The following VRK1 variants were observed in gnomAD, a reference collection of about 807,000 sequenced individuals.
VRK1 encodes serine/threonine-protein kinase VRK1.
VRK1 carries 33 observed loss-of-function variants against 57.1 expected under a neutral mutation model. The observed-to-expected ratio is 0.58, with a 90% CI of 0.44 to 0.77. VRK1 has a LOEUF of 0.77. VRK1 is among the 30% of genes least tolerant of loss of function. The pLI, the probability that VRK1 is intolerant of heterozygous loss-of-function variation, is 0.00. For synonymous variants in VRK1, 137 were observed against 147.8 expected, an observed-to-expected ratio of 0.93 and a Z score of 0.53; for missense variants, 413 against 477.3, an observed-to-expected ratio of 0.87 and a Z score of 1.25.
intron 3 of VRK1, among the ~76,000 whole-genome samples, chr14:96,845,724 A>C (rs1005423500): frequency 6.6e-6 from 1 of 152,198 alleles, no homozygotes; most frequent in Non-Finnish European, 1.5e-5. Context: ...AATTTTATTA[A>C]ATCTGAGAAA....
Sources: gnomAD v4.1 joint callset for allele counts (sites outside exome capture counted in the v4.1 genomes callset) on GRCh38, gnomAD v4.1.1 for gene constraint, MANE v1.5 for transcripts, NCBI Gene and HGNC (gene_info 2026-07-23, HGNC 2026-07-21) for gene names.